Variants in AGO2 observed in about 807,000 individuals in gnomAD.
The protein encoded by AGO2 is protein argonaute-2.
In AGO2, 5 loss-of-function variants were observed where a neutral mutation model predicts 102.3. The observed-to-expected ratio is 0.05, with a 90% CI of 0.03 to 0.10. The LOEUF (loss-of-function observed/expected upper bound fraction) is 0.10. Among genes scored for constraint, AGO2 ranks in the 10% least tolerant of loss-of-function variants. The pLI is 1.00. For synonymous variants in AGO2, 449 were observed against 473.1 expected, an observed-to-expected ratio of 0.95 and a Z score of 0.66; for missense variants, 541 against 1,183.7, an observed-to-expected ratio of 0.46 and a Z score of 7.97.
In AGO2 at chr8:140,539,188, C is replaced by T. The variant is rs911846793; in HGVS notation, c.2169+132G>A. On this transcript the variant is annotated intron_variant, in intron 16 of 18. Transcript: ENST00000220592. The surrounding 1 kb of genome is among the most constrained non-coding windows in gnomAD (Gnocchi z 4.7). ...TCTAAACCTGGGTCCCCATGAAGCC[C>T]CTTAGAGGACAGAGTCACCCTAGAG... 2.3e-6 allele frequency: 3 copies of T among 1,319,126 alleles called. No homozygotes were observed. The highest frequency in any genetic ancestry group is 5.2e-4 in the Middle Eastern group (2 of 3,882). 81.7% of individuals were successfully genotyped at this position (1,319,126 alleles called of 1,614,324 possible).
At chr8:140,535,618 C>A (rs751128378) in intron 16 of AGO2, 49 bp from the exon 17 acceptor site, 7 of 1,598,910 alleles carry the variant, frequency 4.4e-6, no homozygotes, top group Admixed American at 1.7e-5. Flanking sequence ...ACCGGCAGAG[C>A]CAAGCAGGCG....
At position 140,597,467 on chromosome 8, in the gene AGO2, C is replaced by CT. The variant is rs1467052516; in HGVS notation, c.23-12157_23-12156insA. Among the ~76,000 whole-genome samples the CT allele has an allele frequency of 8.1e-4, 12 of 14,904 alleles. No homozygotes were observed. The South Asian group carries it at 0.027, about 34-fold the overall frequency. The allele number at this position is 14,904 out of a possible 152,430, so 9.8% of individuals were successfully genotyped here. A position where few individuals can be genotyped will look rare whatever the true frequency, so the allele number is the denominator to read the frequency against. On this transcript the variant is annotated intron_variant, in intron 1 of 18. Transcript: ENST00000220592. ...ACGGACACCGATGGGGGCTGGGTGGCCCCCCCACCCCCCCCCCCCCGCCCC... is the reference window on the plus strand; with the variant it reads ...ACGGACACCGATGGGGGCTGGGTGGCTCCCCCCACCCCCCCCCCCCCGCCCC...
At chr8:140,639,727 T>A (rs2074430315), upstream of AGO2, among the ~76,000 whole-genome samples, 1 of 152,174 alleles carries the variant, frequency 6.6e-6, no homozygotes. Context: ...GAGCTATAAC[T>A]GTGCCACTGC....
At chr8:140,596,444 A>G (rs7008926) in intron 1 of AGO2, among the ~76,000 whole-genome samples, 120,763 of 152,146 alleles carry the variant, frequency 0.79, 48,226 homozygotes, top group Admixed American at 0.84. Context: ...TTAGCCGGGC[A>G]CGGTGGCGCA....
rs1051893397 is a variant in AGO2 at position 140,589,605 on chromosome 8, C to T, written c.23-4294G>A. ...ATGCTTCCCGATGGTCCTCCTAGAA[C>T]TCTGCATTCATTACACTGGGCATCA... On this transcript the variant is annotated intron_variant, in intron 1 of 18. Transcript: ENST00000220592. This position sits in a 1 kb window ranked among gnomAD's most constrained non-coding sequence, Gnocchi z 4.2. 1.3e-5 allele frequency among the ~76,000 whole-genome samples: 2 copies of T among 152,232 alleles called. No individual in the cohort carries two copies. Among genetic ancestry groups the T allele is most frequent in the Non-Finnish European group, 2.9e-5 (2 of 68,030 alleles).
chr8:140,553,341 G>A (rs994523677), intron 10 of AGO2, among the ~76,000 whole-genome samples: 16 of 152,164 alleles, frequency 1.1e-4, no homozygotes, highest in South Asian at 4.1e-4. Flanking sequence ...CTATGACCGC[G>A]TCACTGCACT....
chr8:140,552,510 T>TA (rs1161750576), intron 10 of AGO2, among the ~76,000 whole-genome samples: 2 of 152,192 alleles, frequency 1.3e-5, no homozygotes, highest in Non-Finnish European at 2.9e-5. Context: ...TTGTTTTTTT[T>TA]AGCAGGAAGC....
Position 140,607,511 on chromosome 8 carries a change from TATATAC to T in AGO2, c.23-22206_23-22201del, listed in dbSNP as rs1364037649. Among the ~76,000 whole-genome samples, 12 of 8,794 alleles carry T rather than the reference TATATAC, an allele frequency of 1.4e-3. 1 individual carries two copies. Among genetic ancestry groups the T allele is most frequent in the Non-Finnish European group, 2.2e-3 (8 of 3,582 alleles). The allele number at this position is 8,794 out of a possible 152,430, so 5.8% of individuals were successfully genotyped here. On this transcript the variant is annotated intron_variant, in intron 1 of 18. Transcript: ENST00000220592. ...ATATATATATATATATATATATATATATATACACACACACACACGTATGGAAAAAAA... is the reference window on the plus strand; with the variant it reads ...ATATATATATATATATATATATATATACACACACACACGTATGGAAAAAAA...
intron 1 of AGO2, chr8:140,593,265 C>T (rs1245482249): frequency 6.6e-6 from 1 of 152,184 alleles, no homozygotes; most frequent in Non-Finnish European, 1.5e-5. Flanking sequence ...GATCTCAGCT[C>T]ACTGCAACCT....
chr8:140,541,067 A>C, intron 15 of AGO2, 97 bp downstream of exon 15: 1 of 1,339,102 alleles, frequency 7.5e-7, no homozygotes, highest in Non-Finnish European at 1.0e-6. Flanking sequence ...AATGAGAGCC[A>C]CATCATTCTT....
intron 14 of AGO2, among the ~76,000 whole-genome samples, chr8:140,542,871 GC>G (rs1564076438): frequency 6.6e-6 from 1 of 152,208 alleles, no homozygotes. Flanking sequence ...AGGTGCAGTG[GC>G]TCACGCCTGT....
chr8:140,592,321 G>T (rs948446498), intron 1 of AGO2: 1 of 152,214 alleles, frequency 6.6e-6, no homozygotes, highest in Non-Finnish European at 1.5e-5. Flanking sequence ...GAGACATGAA[G>T]AATGCCTTAT....
At chr8:140,535,076 C>T (rs1282631323) in intron 17 of AGO2, among the ~76,000 whole-genome samples, 2 of 152,220 alleles carry the variant, frequency 1.3e-5, no homozygotes. Flanking sequence ...CGTGAATCGA[C>T]GCCAAGTCTG....
At chr8:140,626,304 G>A (rs1437927259) in intron 1 of AGO2, among the ~76,000 whole-genome samples, 1 of 152,226 alleles carries the variant, frequency 6.6e-6, no homozygotes, top group Non-Finnish European at 1.5e-5. Context: ...ACAGATGAGT[G>A]TTATTTATCA....
chr8:140,550,946 T>C (rs1461808535), intron 11 of AGO2, among the ~76,000 whole-genome samples: 2 of 152,230 alleles, frequency 1.3e-5, no homozygotes, highest in Non-Finnish European at 2.9e-5. Context: ...TACACAAATA[T>C]GGAGCCAAAT....
rs1430549073 is a variant in AGO2, at chr8:140,530,642, C to T, written c.*1402G>A. 2 of 152,304 alleles carry T rather than the reference C, an allele frequency of 1.3e-5. No individual in the cohort carries two copies. The highest frequency in any genetic ancestry group is 2.4e-5 in the African/African-American group (1 of 41,466). The allele number at this position is 152,304 out of a possible 1,614,324, so 9.4% of individuals were successfully genotyped here. Reference sequence around the variant, plus strand: ...CCAAGTCTGGGGCCCCAAATGCAAACCCCAGAAGAACGGCCCATGCCCTCT... The same window carrying T: ...CCAAGTCTGGGGCCCCAAATGCAAATCCCAGAAGAACGGCCCATGCCCTCT... On this transcript the variant is annotated 3_prime_UTR_variant, in exon 19 of 19. Transcript: ENST00000220592.
chr8:140,623,713 C>A (rs913003762), intron 1 of AGO2, among the ~76,000 whole-genome samples: 3 of 152,088 alleles, frequency 2.0e-5, no homozygotes, highest in African/African-American at 7.2e-5. Flanking sequence ...ATAATGGCCA[C>A]CATCATCACC....
At chr8:140,612,793 G>A (rs1343548794) in intron 1 of AGO2, among the ~76,000 whole-genome samples, 1 of 151,680 alleles carries the variant, frequency 6.6e-6, no homozygotes, top group East Asian at 1.9e-4. Flanking sequence ...TTCGAGTTTT[G>A]GTGTAGTAGC....
At chr8:140,615,885 C>T (rs2074136445) in intron 1 of AGO2, among the ~76,000 whole-genome samples, 2 of 152,336 alleles carry the variant, frequency 1.3e-5, no homozygotes, top group African/African-American at 4.8e-5. Context: ...TCCAAGCAAA[C>T]AATGGGACCA....
Sources: gnomAD v4.1 joint callset for allele counts (sites outside exome capture counted in the v4.1 genomes callset) on GRCh38, gnomAD v4.1.1 for gene constraint, Gnocchi (gnomAD v3.1) non-coding constraint, MANE v1.5 for transcripts, NCBI Gene and HGNC (gene_info 2026-07-23, HGNC 2026-07-21) for gene names.